Variants in PTPRD observed in about 807,000 individuals in gnomAD.
The protein encoded by PTPRD is receptor-type tyrosine-protein phosphatase delta.
A neutral mutation model predicts 214.5 loss-of-function variants in PTPRD; 34 were observed. That is an observed-to-expected ratio of 0.16 (90% CI 0.12 to 0.21). The LOEUF is 0.21. Ranked by LOEUF, PTPRD falls within the 10% of genes least tolerant of loss-of-function variation. The probability of loss-of-function intolerance (pLI) is 1.00; values close to 1 mark genes in which losing one functional copy is unlikely to be tolerated. For synonymous variants in PTPRD, 1,128 were observed against 845.7 expected (o/e 1.33, Z -5.79); for missense variants, 2,545 against 2,398.7 (o/e 1.06, Z -1.27).
At chr9:10,505,828 C>T (rs833419) in intron 2 of PTPRD, among the ~76,000 whole-genome samples, 150,576 of 152,324 alleles carry the variant, frequency 0.99, 74,443 homozygotes, top group East Asian at 1. Context: ...TTATTCATAA[C>T]AGAATTATGT....
In PTPRD at chr9:10,060,897, C is replaced by CTTCCTTCTTTCT. The variant is rs1555531626; in HGVS notation, c.-544-27108_-544-27107insAGAAAGAAGGAA. Among the ~76,000 whole-genome samples the CTTCCTTCTTTCT allele has an allele frequency of 2.0e-3, 142 of 70,582 alleles. 1 individual carries two copies. Among genetic ancestry groups the CTTCCTTCTTTCT allele is most frequent in the Middle Eastern group, 6.8e-3 (1 of 146 alleles). The allele number at this position is 70,582 out of a possible 152,430, so 46.3% of individuals were successfully genotyped here. On this transcript the variant is annotated intron_variant, in intron 3 of 45. Transcript: ENST00000381196. ...CCTTCCTTCCTTCCTTCCTTCCTTC[C>CTTCCTTCTTTCT]TTCTTTCTTTCTTTCTTTCTTTCTT... is the stretch of plus-strand genomic sequence containing the variant.
chr9:9,221,458 C>G (rs2099955958), intron 9 of PTPRD, among the ~76,000 whole-genome samples: 1 of 152,040 alleles, frequency 6.6e-6, no homozygotes, highest in Non-Finnish European at 1.5e-5. Flanking sequence ...GCTTAAAGGA[C>G]AGAAATATAT....
intron 7 of PTPRD, among the ~76,000 whole-genome samples, chr9:9,682,110 G>A (rs1265458776): frequency 2.0e-5 from 3 of 151,704 alleles, no homozygotes; most frequent in African/African-American, 7.3e-5. Context: ...ACAGCAAAGT[G>A]ATTGTTTAAC....
chr9:10,023,965 T>C (rs1477478653), intron 4 of PTPRD, among the ~76,000 whole-genome samples: 2 of 150,640 alleles, frequency 1.3e-5, no homozygotes, highest in African/African-American at 5.0e-5. Context: ...CTTTAATTGA[T>C]ATGCTCTAAT....
chr9:8,944,826 A>G (rs1384948403), intron 11 of PTPRD, among the ~76,000 whole-genome samples: 4 of 152,068 alleles, frequency 2.6e-5, no homozygotes, highest in Non-Finnish European at 4.4e-5. Flanking sequence ...AAGATCTAGT[A>G]TTTGATAGCA....
chr9:8,926,426 T>C (rs2098893735), intron 11 of PTPRD, among the ~76,000 whole-genome samples: 1 of 152,118 alleles, frequency 6.6e-6, no homozygotes, highest in African/African-American at 2.4e-5. Context: ...TTTAGTAAAT[T>C]TTATCTCGTA....
intron 6 of PTPRD, 115 bp downstream of exon 6, chr9:9,766,695 G>C (rs1014898845): frequency 1.3e-5 from 2 of 152,126 alleles, no homozygotes; most frequent in Non-Finnish European, 2.9e-5. Flanking sequence ...CAGACAAAAA[G>C]TGCATGTCCC....
At chr9:8,833,340 C>A (rs991304033) in intron 11 of PTPRD, among the ~76,000 whole-genome samples, 1 of 151,852 alleles carries the variant, frequency 6.6e-6, no homozygotes, top group Non-Finnish European at 1.5e-5. Flanking sequence ...TTTTGATAAG[C>A]CTGATATATA....
At chr9:9,604,695 A>G (rs2094025686) in intron 7 of PTPRD, among the ~76,000 whole-genome samples, 1 of 152,082 alleles carries the variant, frequency 6.6e-6, no homozygotes, top group African/African-American at 2.4e-5. Flanking sequence ...TTTTTAAACC[A>G]TATCTATATG....
At chr9:9,639,342 C>G (rs535326858) in intron 7 of PTPRD, among the ~76,000 whole-genome samples, 1 of 152,258 alleles carries the variant, frequency 6.6e-6, no homozygotes, top group Admixed American at 6.5e-5. Context: ...AGTGAACGGA[C>G]AGATGAATAC....
chr9:9,527,752 A>C (rs1034732985), intron 8 of PTPRD, among the ~76,000 whole-genome samples: 1 of 152,128 alleles, frequency 6.6e-6, no homozygotes, highest in African/African-American at 2.4e-5. Context: ...ATAGTTACAG[A>C]AGTAATTGGG....
chr9:8,844,014 A>G (rs1301550737), intron 11 of PTPRD, among the ~76,000 whole-genome samples: 1 of 152,214 alleles, frequency 6.6e-6, no homozygotes, highest in East Asian at 1.9e-4. Context: ...TGAAGAAGCC[A>G]GCATGGCACA....
At chr9:9,569,179 T>C (rs1319169438) in intron 8 of PTPRD, among the ~76,000 whole-genome samples, 1 of 151,412 alleles carries the variant, frequency 6.6e-6, no homozygotes, top group East Asian at 1.9e-4. Context: ...TCTGCACATG[T>C]ATCAACACAG....
intron 11 of PTPRD, among the ~76,000 whole-genome samples, chr9:8,907,533 A>AAAAATAT (rs3046919): frequency 1.4e-4 from 17 of 118,228 alleles, no homozygotes; most frequent in African/African-American, 5.3e-4. Context: ...AAAAAAAAAA[A>AAAAATAT]ATATATATAT....
At chr9:9,260,695 A>G (rs2099979725) in intron 9 of PTPRD, among the ~76,000 whole-genome samples, 1 of 151,908 alleles carries the variant, frequency 6.6e-6, no homozygotes, top group African/African-American at 2.4e-5. Context: ...TGATAGACAA[A>G]GAAATATTTA....
At chr9:10,234,679 G>A (rs560748569) in intron 3 of PTPRD, among the ~76,000 whole-genome samples, 225 of 151,946 alleles carry the variant, frequency 1.5e-3, no homozygotes, top group Non-Finnish European at 2.6e-3. Flanking sequence ...TTTAAAAAGT[G>A]TTTAACTTAT....
At chr9:8,536,468 T>C (rs1307044243) in intron 14 of PTPRD, among the ~76,000 whole-genome samples, 1 of 151,962 alleles carries the variant, frequency 6.6e-6, no homozygotes, top group Admixed American at 6.6e-5. Flanking sequence ...TGTGTGTGTA[T>C]ATACATATGT....
At chr9:10,459,992 A>C (rs1385655743) in intron 2 of PTPRD, among the ~76,000 whole-genome samples, 1 of 152,124 alleles carries the variant, frequency 6.6e-6, no homozygotes, top group East Asian at 1.9e-4. Context: ...TTAAGTGTAC[A>C]GTTAAGTGGC....
At chr9:10,416,980 C>G (rs566800826) in intron 2 of PTPRD, among the ~76,000 whole-genome samples, 46 of 151,820 alleles carry the variant, frequency 3.0e-4, no homozygotes, top group Non-Finnish European at 6.5e-4. Context: ...TCTTTAGGTT[C>G]TAAACAACTT....
Sources: allele counts gnomAD v4.1 joint callset (sites outside exome capture counted in the v4.1 genomes callset), GRCh38; gene constraint gnomAD v4.1.1; transcripts MANE v1.5; gene names NCBI Gene and HGNC (gene_info 2026-07-23, HGNC 2026-07-21).